Variants in FRYL observed in about 807,000 individuals in gnomAD.
The protein encoded by FRYL is FRY like transcription coactivator.
FRYL carries 150 observed loss-of-function variants against 351.2 expected under a neutral mutation model. That is an observed-to-expected ratio of 0.43 (90% CI 0.37 to 0.49). FRYL has a LOEUF of 0.49. Among genes scored for constraint, FRYL ranks in the 20% least tolerant of loss-of-function variants. The pLI, the probability that FRYL is intolerant of heterozygous loss-of-function variation, is 0.00. For missense variants in FRYL, 3,036 were observed against 3,619.3 expected, an observed-to-expected ratio of 0.84 and a Z score of 4.13; for synonymous variants, 1,153 against 1,257.1, an observed-to-expected ratio of 0.92 and a Z score of 1.75.
intron 2 of FRYL, among the ~76,000 whole-genome samples, chr4:48,703,110 G>A (rs1766945762): frequency 6.6e-6 from 1 of 152,092 alleles, no homozygotes; most frequent in South Asian, 2.1e-4. Flanking sequence ...AATACCAGAT[G>A]GGATCTCATT....
chr4:48,740,853 T>C (rs1448822094), intron 1 of FRYL, among the ~76,000 whole-genome samples: 3 of 152,148 alleles, frequency 2.0e-5, no homozygotes, highest in African/African-American at 4.8e-5. Flanking sequence ...GGTGGTTTTT[T>C]ACAAAACCAA....
intron 1 of FRYL, among the ~76,000 whole-genome samples, chr4:48,776,955 T>C (rs914433522): frequency 3.9e-5 from 6 of 152,350 alleles, no homozygotes; most frequent in African/African-American, 4.8e-5. Context: ...TGCACTGACA[T>C]ACCCACTGTC....
intron 2 of FRYL, among the ~76,000 whole-genome samples, chr4:48,685,132 C>T (rs1765019294): frequency 6.6e-6 from 1 of 152,170 alleles, no homozygotes; most frequent in Non-Finnish European, 1.5e-5. Flanking sequence ...AAATTCCAGA[C>T]ATTATAACAT....
chr4:48,531,212 T>C lies in FRYL; in HGVS notation c.6847A>G (p.Asn2283Asp), dbSNP rs1285925590. ...TTCCCAGGCAACTCCTTAGAAACAT[T>C]ATTAAAAATTTTAGTGAAGGATATT... ...PEISFTKIFN[N>D]VSKELPGKTL... The change falls in exon 50 of 64, where the codon AAT (asparagine) becomes GAT (aspartate). Residue 2283 changes from asparagine to aspartate, a missense_variant. This residue lies in a region of FRYL where 1,987 missense variants were observed against 2,311.7 expected (regional missense o/e 0.86). Transcript: ENST00000358350. 1 of 1,612,334 alleles carries C rather than the reference T, an allele frequency of 6.2e-7. No individual in the cohort carries two copies. Among genetic ancestry groups the C allele is most frequent in the Non-Finnish European group, 8.5e-7 (1 of 1,178,574 alleles).
intron 1 of FRYL, among the ~76,000 whole-genome samples, chr4:48,771,604 G>C (rs1314066499): frequency 1.3e-5 from 2 of 152,006 alleles, no homozygotes; most frequent in Non-Finnish European, 2.9e-5. Flanking sequence ...ACATCCACAG[G>C]GTAGCATCTA....
chr4:48,568,913 G>A lies in FRYL; in HGVS notation c.2997-1493C>T, dbSNP rs113921372. The stretch of plus-strand genomic sequence containing the variant: ...GTGTCAGGCACATGAAATCCACTAG[G>A]TGAACAAAACAAAGCTCCCTGTCTT... On this transcript the variant is annotated intron_variant, in intron 27 of 63. Transcript: ENST00000358350. 4.5e-3 allele frequency among the ~76,000 whole-genome samples: 680 copies of A among 152,160 alleles called. 4 individuals carry two copies. Among genetic ancestry groups the A allele is most frequent in the African/African-American group, 0.015 (631 of 41,502 alleles).
rs182052508 is a variant in FRYL at position 48,779,260 on chromosome 4, G to A, written c.-384+818C>T. On this transcript the variant is annotated intron_variant, in intron 1 of 63. Coordinates refer to ENST00000358350, the MANE Select transcript of FRYL (RefSeq NM_015030.2). ...AATAAAAGTTGCAAAGAAGAGCTCA[G>A]CGCCCAGGCACCCTGCCCGGTGCCG... Among the ~76,000 whole-genome samples the A allele has an allele frequency of 4.5e-3, 688 of 152,340 alleles. 2 individuals carry two copies. The highest frequency in any genetic ancestry group is 7.5e-3 in the Non-Finnish European group (507 of 68,012).
At chr4:48,566,584 G>T (rs1253273319) in intron 28 of FRYL, among the ~76,000 whole-genome samples, 1 of 152,154 alleles carries the variant, frequency 6.6e-6, no homozygotes, top group African/African-American at 2.4e-5. Context: ...AGTGCTTAAT[G>T]ACCCTGTTAT....
intron 16 of FRYL, among the ~76,000 whole-genome samples, 189 bp downstream of exon 16, chr4:48,593,737 TCAAA>T (rs1005844028): frequency 1.1e-4 from 16 of 152,172 alleles, no homozygotes; most frequent in South Asian, 4.2e-4. Context: ...AAACTCTGTC[TCAAA>T]CAAACAAACA....
chr4:48,646,429 T>A (rs1362063100), intron 3 of FRYL, among the ~76,000 whole-genome samples: 1 of 152,204 alleles, frequency 6.6e-6, no homozygotes, highest in Non-Finnish European at 1.5e-5. Context: ...GAAAATAGCA[T>A]GCTTAATGAA....
At chr4:48,759,161 C>T (rs1288849519) in intron 1 of FRYL, among the ~76,000 whole-genome samples, 2 of 152,176 alleles carry the variant, frequency 1.3e-5, no homozygotes, top group East Asian at 3.9e-4. Flanking sequence ...GGCACACCAA[C>T]ATGGCACATG....
At chr4:48,632,377 G>A (rs1435914542) in intron 4 of FRYL, among the ~76,000 whole-genome samples, 1 of 149,914 alleles carries the variant, frequency 6.7e-6, no homozygotes, top group Admixed American at 6.7e-5. Context: ...TTCCCTTACT[G>A]TATGCTGTTT....
intron 47 of FRYL, among the ~76,000 whole-genome samples, chr4:48,538,853 TA>T (rs1729478525): frequency 6.6e-6 from 1 of 152,168 alleles, no homozygotes; most frequent in African/African-American, 2.4e-5. Context: ...TAGAACTGTT[TA>T]TATTTTCAGT....
intron 53 of FRYL, among the ~76,000 whole-genome samples, chr4:48,524,394 A>G (rs762863829): frequency 4.6e-5 from 7 of 152,148 alleles, no homozygotes; most frequent in Admixed American, 6.5e-5. Context: ...TTCCTGGAAC[A>G]TATCATTTCA....
intron 1 of FRYL, among the ~76,000 whole-genome samples, chr4:48,731,711 T>A (rs1399286031): frequency 1.3e-5 from 2 of 152,170 alleles, no homozygotes; most frequent in Non-Finnish European, 2.9e-5. Context: ...TAAATGGTGT[T>A]GGGAAAACTG....
In FRYL at chr4:48,575,155, A is replaced by G; in HGVS notation, c.2808T>C (p.Leu936=). ...RSESMEITES[L]VLGLGRTNPG... Reference sequence around the variant, plus strand: ...GGTTGGTCCTGCCAAGACCTAGAACAAGGGATTCTGTGATTTCCATGCTCT... The same window carrying G: ...GGTTGGTCCTGCCAAGACCTAGAACGAGGGATTCTGTGATTTCCATGCTCT... The change falls in exon 25 of 64, where the codon CTT becomes CTC. Residue 936 remains leucine, a synonymous_variant. Coordinates refer to ENST00000358350, the MANE Select transcript of FRYL (RefSeq NM_015030.2). 6.2e-7 allele frequency: 1 copy of G among 1,614,006 alleles called. No individual in the cohort carries two copies. The highest frequency in any genetic ancestry group is 8.5e-7 in the Non-Finnish European group (1 of 1,179,854).
At position 48,546,188 on chromosome 4, in the gene FRYL, T is replaced by C; in HGVS notation, c.5158A>G (p.Ile1720Val). 6.2e-7 allele frequency: 1 copy of C among 1,613,782 alleles called. No individual in the cohort carries two copies. Residue 1720 changes from isoleucine to valine, a missense_variant, in exon 42 of 64, where the codon ATC becomes GTC. Physicochemically the swap from Ile to Val is conservative, Grantham distance 29. This residue lies in a region of FRYL where 1,987 missense variants were observed against 2,311.7 expected (regional missense o/e 0.86). Coordinates refer to ENST00000358350, the MANE Select transcript of FRYL (RefSeq NM_015030.2). The part of the protein sequence containing the change: ...GLSSSSTSSS[I>V]SLGNNSAAIS... Reference sequence around the variant, plus strand: ...GCAGCACTGTTATTTCCTAAGCTGATACTAGAAGAGGTAGAACTTGAGCTA... The same window carrying C: ...GCAGCACTGTTATTTCCTAAGCTGACACTAGAAGAGGTAGAACTTGAGCTA...
At chr4:48,658,490 C>A (rs1422403314) in intron 3 of FRYL, among the ~76,000 whole-genome samples, 2 of 150,542 alleles carry the variant, frequency 1.3e-5, no homozygotes, top group Non-Finnish European at 2.9e-5. Flanking sequence ...GTAATCCCAA[C>A]ACTCTGGGGG....
chr4:48,691,496 A>G (rs1765676226), intron 2 of FRYL, among the ~76,000 whole-genome samples: 2 of 152,160 alleles, frequency 1.3e-5, no homozygotes, highest in Non-Finnish European at 1.5e-5. Flanking sequence ...AGAAGGATAC[A>G]CTCAAATTGT....
Sources: allele counts gnomAD v4.1 joint callset (sites outside exome capture counted in the v4.1 genomes callset), GRCh38; gene constraint gnomAD v4.1.1; regional missense constraint gnomAD v4.1.1; transcripts MANE v1.5; gene names NCBI Gene and HGNC (gene_info 2026-07-23, HGNC 2026-07-21).